ANKAR: variants seen among roughly 807,000 people sequenced by gnomAD.
The protein encoded by ANKAR is ankyrin and armadillo repeat-containing protein.
ANKAR carries 136 observed loss-of-function variants against 146.2 expected under a neutral mutation model. The observed-to-expected ratio is 0.93, with a 90% CI of 0.81 to 1.07. The LOEUF (loss-of-function observed/expected upper bound fraction) is 1.07. ANKAR is among the 50% of genes least tolerant of loss of function. The probability of loss-of-function intolerance (pLI) is 0.00; values close to 1 mark genes in which losing one functional copy is unlikely to be tolerated. For missense variants in ANKAR, 1,567 were observed against 1,679.9 expected (o/e 0.93, Z 1.18); for synonymous variants, 500 against 575.8 (o/e 0.87, Z 1.88).
At position 189,695,280 on chromosome 2, in the gene ANKAR, A is replaced by C; in HGVS notation, c.1488+119A>C. ...TAGGTTAAAGTCTTCAACATGAAAT[A>C]AAATGCCACATTTTAGTAGCTGAAA... On this transcript the variant is annotated intron_variant, in intron 6 of 22. Coordinates refer to ENST00000684021, the MANE Select transcript of ANKAR (RefSeq NM_001378068.1). The C allele has an allele frequency of 4.8e-6, 4 of 836,986 alleles. 1 individual carries two copies. The highest frequency in any genetic ancestry group is 8.0e-4 in the Middle Eastern group (2 of 2,514). The allele number at this position is 836,986 out of a possible 1,614,324, so 51.8% of individuals were successfully genotyped here.
In ANKAR at chr2:189,696,528, T is replaced by C. The variant is rs182435831; in HGVS notation, c.1708+159T>C. On this transcript the variant is annotated intron_variant, in intron 7 of 22. Transcript: ENST00000684021. ...ATCTAAGAAAGGCTTCTTTTAGTTT[T>C]CTAAGTATCACTTATAGCTAGCTTA... is the stretch of plus-strand genomic sequence containing the variant. Among the ~76,000 whole-genome samples, 323 of 152,368 alleles carry C rather than the reference T, an allele frequency of 2.1e-3. 3 individuals are homozygous for C. Among genetic ancestry groups the C allele is most frequent in the African/African-American group, 7.3e-3 (302 of 41,596 alleles).
chr2:189,759,288 G>A (rs919871126), intron 18 of ANKAR, among the ~76,000 whole-genome samples: 2 of 149,572 alleles, frequency 1.3e-5, no homozygotes, highest in Non-Finnish European at 3.0e-5. Flanking sequence ...TCACTCTGTC[G>A]CCCGGGCTGG....
At position 189,689,769 on chromosome 2, in the gene ANKAR, A is replaced by G. The variant is rs2036127934; in HGVS notation, c.844A>G (p.Ile282Val). ...AAAATATAATCAGGATTATCTTGAT[A>G]TCTGTACCTACCAGAGACTACAGCA... is the stretch of plus-strand genomic sequence containing the variant. The part of the protein sequence containing the change: ...AIKYNQDYLD[I>V]CTYQRLQQRL... Residue 282 changes from isoleucine (I) to valine (V), a missense_variant, in exon 3 of 23, where the codon ATC (isoleucine) becomes GTC (valine). Transcript: ENST00000684021. 1.2e-6 allele frequency: 2 copies of G among 1,612,122 alleles called. No homozygotes were observed. Among genetic ancestry groups the G allele is most frequent in the Admixed American group, 3.3e-5 (2 of 59,908 alleles).
chr2:189,676,472 A>G lies in ANKAR; in HGVS notation c.-19A>G. 1.3e-6 allele frequency: 2 copies of G among 1,518,146 alleles called. No individual in the cohort carries two copies. The highest frequency in any genetic ancestry group is 2.5e-5 in the East Asian group (1 of 40,604). 94.0% of individuals were successfully genotyped at this position (1,518,146 alleles called of 1,614,324 possible). ...TCATTGCAGAAGCTTCAAAAAGGAC[A>G]CACTAGATTTAATTAGAAATGTTAA... is the stretch of plus-strand genomic sequence containing the variant. On this transcript the variant is annotated 5_prime_UTR_variant, in exon 2 of 23. Transcript: ENST00000684021.
At chr2:189,698,284 G>T (rs2037539654) in intron 7 of ANKAR, among the ~76,000 whole-genome samples, 1 of 151,668 alleles carries the variant, frequency 6.6e-6, no homozygotes, top group Non-Finnish European at 1.5e-5. Flanking sequence ...GTTATTTATT[G>T]GTATTCCTCT....
chr2:189,750,663 C>A (rs1197663476), downstream of ANKAR: 5 of 1,562,544 alleles, frequency 3.2e-6, no homozygotes, highest in Non-Finnish European at 4.3e-6. Context: ...ACATCTACAT[C>A]ATAAGCAGAC....
chr2:189,710,142 G>A (rs944090824), intron 9 of ANKAR, among the ~76,000 whole-genome samples: 4 of 152,178 alleles, frequency 2.6e-5, no homozygotes, highest in Admixed American at 1.3e-4. Context: ...AGGATGTCAC[G>A]GAATGATATA....
chr2:189,728,424 A>C lies in ANKAR; in HGVS notation c.3031+4A>C, dbSNP rs377587865. The stretch of plus-strand genomic sequence containing the variant: ...TCAGCTAAAATGCAGTATGTTGGTA[A>C]GTTATTTTCCTTATTTTATTTTTAT... On this transcript the variant is annotated splice_donor_region_variant and intron_variant, in intron 14 of 22. Transcript: ENST00000684021. The C allele has an allele frequency of 4.4e-6, 7 of 1,580,818 alleles. No individual in the cohort carries two copies. The African/African-American group carries it at 1.0e-4, about 23-fold the overall frequency.
At chr2:189,719,508 A>G in intron 10 of ANKAR, 64 bp from the exon 11 acceptor site, 1 of 1,381,780 alleles carries the variant, frequency 7.2e-7, no homozygotes. Context: ...TTGCCATGAT[A>G]AATTGACTAC....
At chr2:189,756,382 A>G (rs1286593299) in intron 18 of ANKAR, among the ~76,000 whole-genome samples, 2 of 152,218 alleles carry the variant, frequency 1.3e-5, no homozygotes, top group Non-Finnish European at 2.9e-5. Flanking sequence ...GCAATAAAAT[A>G]GAGTCTGCAA....
intron 10 of ANKAR, among the ~76,000 whole-genome samples, chr2:189,718,486 T>C (rs1054305502): frequency 1.2e-4 from 19 of 152,146 alleles, no homozygotes; most frequent in African/African-American, 4.6e-4. Context: ...AAATATTAAA[T>C]GAATAAATTA....
At chr2:189,679,337 C>T (rs1309628600) in intron 2 of ANKAR, among the ~76,000 whole-genome samples, 1 of 152,032 alleles carries the variant, frequency 6.6e-6, no homozygotes, top group Non-Finnish European at 1.5e-5. Flanking sequence ...TACTAAATTC[C>T]TTTATGGCAT....
intron 18 of ANKAR, among the ~76,000 whole-genome samples, chr2:189,758,155 G>A (rs1252848407): frequency 6.6e-6 from 1 of 152,148 alleles, no homozygotes; most frequent in Non-Finnish European, 1.5e-5. Flanking sequence ...GGCCGAGGTG[G>A]GTGGATCACT....
At chr2:189,708,548 T>G (rs978550168) in intron 9 of ANKAR, among the ~76,000 whole-genome samples, 1 of 152,236 alleles carries the variant, frequency 6.6e-6, no homozygotes, top group African/African-American at 2.4e-5. Flanking sequence ...AACACTCTAT[T>G]ATAAAATGGG....
chr2:189,715,751 G>A (rs543280052), intron 10 of ANKAR, among the ~76,000 whole-genome samples: 5 of 152,216 alleles, frequency 3.3e-5, no homozygotes, highest in East Asian at 3.9e-4. Context: ...TGATCAAGTC[G>A]GTTTCATCCC....
chr2:189,698,317 T>C (rs1303876302), intron 7 of ANKAR, among the ~76,000 whole-genome samples: 1 of 152,078 alleles, frequency 6.6e-6, no homozygotes, highest in Non-Finnish European at 1.5e-5. Context: ...GTTTTCTCTT[T>C]TTTTCCTGTG....
At chr2:189,763,047 AT>A (rs35618522), downstream of ANKAR, 28 of 965,256 alleles carry the variant, frequency 2.9e-5, no homozygotes, top group Admixed American at 1.2e-4. Flanking sequence ...TTAAAAAGAA[AT>A]TTTTTTTTTG....
chr2:189,703,258 G>A (rs2038346115), intron 7 of ANKAR, among the ~76,000 whole-genome samples: 1 of 152,152 alleles, frequency 6.6e-6, no homozygotes, highest in African/African-American at 2.4e-5. Context: ...TGAAAAACTG[G>A]GTTGGATAAG....
intron 20 of ANKAR, among the ~76,000 whole-genome samples, chr2:189,743,012 C>T (rs2043599647): frequency 7.7e-6 from 1 of 129,870 alleles, no homozygotes; most frequent in Admixed American, 8.1e-5. Context: ...AGTTGGTGGG[C>T]TTTTTTTTTT....
Sources: allele counts gnomAD v4.1 joint callset (sites outside exome capture counted in the v4.1 genomes callset), GRCh38; gene constraint gnomAD v4.1.1; transcripts MANE v1.5; gene names NCBI Gene and HGNC (gene_info 2026-07-23, HGNC 2026-07-21).